KCNC4: variants seen among roughly 807,000 people sequenced by gnomAD.
The protein encoded by KCNC4 is voltage-gated potassium channel KCNC4.
In KCNC4, 23 loss-of-function variants were observed where a neutral mutation model predicts 42.8. That is an observed-to-expected ratio of 0.54 (90% CI 0.39 to 0.76). KCNC4 has a LOEUF of 0.76. Among genes scored for constraint, KCNC4 ranks in the 30% least tolerant of loss-of-function variants. The pLI is 0.00. For missense variants in KCNC4, 751 were observed against 898.2 expected, an observed-to-expected ratio of 0.84 and a Z score of 2.10; for synonymous variants, 422 against 393.5, an observed-to-expected ratio of 1.07 and a Z score of -0.86.
exon 4 of KCNC4, chr1:110,247,947 G>A (rs189541142): frequency 6.6e-6 from 1 of 152,200 alleles, no homozygotes; most frequent in Admixed American, 6.5e-5. Flanking sequence ...TGCACTAGAT[G>A]TTTACTCGGC....
chr1:110,234,370 A>C (rs866740251), downstream of KCNC4: 3 of 152,212 alleles, frequency 2.0e-5, no homozygotes, highest in African/African-American at 7.2e-5. Flanking sequence ...CCGTTTGTGC[A>C]GGGGGCCTCC....
chr1:110,259,911 G>A (rs1259416455), intron 1 of KCNC4, among the ~76,000 whole-genome samples: 3 of 152,086 alleles, frequency 2.0e-5, no homozygotes, highest in Non-Finnish European at 4.4e-5. Context: ...TTGCAGACTC[G>A]CCAACCAATG....
intron 3 of KCNC4, among the ~76,000 whole-genome samples, chr1:110,230,663 A>G (rs781464998): frequency 4.6e-5 from 7 of 152,218 alleles, no homozygotes; most frequent in Non-Finnish European, 7.3e-5. Context: ...CAGCATTGCC[A>G]GGCTGGAGCC....
At chr1:110,256,259 A>G (rs1659328411) in intron 1 of KCNC4, among the ~76,000 whole-genome samples, 1 of 152,224 alleles carries the variant, frequency 6.6e-6, no homozygotes, top group African/African-American at 2.4e-5. Context: ...CCAAGAGGCT[A>G]TGAAACCCAC....
At chr1:110,227,703 C>T (rs945292736) in intron 3 of KCNC4, among the ~76,000 whole-genome samples, 3 of 152,198 alleles carry the variant, frequency 2.0e-5, no homozygotes, top group African/African-American at 7.2e-5. Flanking sequence ...CGAGTGGTCC[C>T]TGTGTAGGAC....
rs537349412 is a variant in KCNC4, at chr1:110,272,841, A to G, written n.31-9693A>G. Among the ~76,000 whole-genome samples, 4 of 152,336 alleles carry G rather than the reference A, an allele frequency of 2.6e-5. No homozygotes were observed. In the South Asian group the frequency reaches 6.2e-4, roughly 24 times the overall value. On this transcript the variant is annotated intron_variant and non_coding_transcript_variant, in intron 1 of 2. Coordinates refer to the KCNC4 transcript ENST00000412512. The stretch of plus-strand genomic sequence containing the variant: ...CCATGAGCTGTCTTAGAACCTTACA[A>G]TGACTACCTTGTTCATTTTGGTTTG...
At chr1:110,230,467 T>A (rs955345607) in intron 3 of KCNC4, among the ~76,000 whole-genome samples, 1 of 152,144 alleles carries the variant, frequency 6.6e-6, no homozygotes, top group Non-Finnish European at 1.5e-5. Flanking sequence ...CACCACTGTT[T>A]TCTCCTCTGA....
At chr1:110,246,671 G>C (rs1659153123) in exon 4 of KCNC4, 1 of 152,044 alleles carries the variant, frequency 6.6e-6, no homozygotes, top group South Asian at 2.1e-4. Context: ...TCCTGCTTTG[G>C]GTTACACGCT....
At position 110,233,857 on chromosome 1, in the gene KCNC4, C is replaced by A; in HGVS notation, c.*885C>A. On this transcript the variant is annotated 3_prime_UTR_variant, in exon 4 of 4. Transcript: ENST00000438661. ...TGACCCCTTCAGCCTTGGCCTCTGC[C>A]CCTCCCTTGGCCCTCCCTCCCTGCT... is the stretch of plus-strand genomic sequence containing the variant. The A allele has an allele frequency of 6.5e-6, 1 of 152,752 alleles. No individual in the cohort carries two copies. 9.5% of individuals were successfully genotyped at this position (152,752 alleles called of 1,614,324 possible). A position where few individuals can be genotyped will look rare whatever the true frequency, so the allele number is the denominator to read the frequency against.
intron 1 of KCNC4, among the ~76,000 whole-genome samples, chr1:110,277,215 G>T (rs1482256840): frequency 1.3e-5 from 2 of 152,212 alleles, no homozygotes; most frequent in Non-Finnish European, 2.9e-5. Flanking sequence ...AAATGCCTTT[G>T]AAATCACTTG....
At chr1:110,232,268 G>A in intron 3 of KCNC4, 1 of 1,613,898 alleles carries the variant, frequency 6.2e-7, no homozygotes, top group Non-Finnish European at 8.5e-7. Context: ...ACCTGAGGCT[G>A]CATGCCCTCC....
At chr1:110,262,843 A>G (rs1405983798) in intron 1 of KCNC4, among the ~76,000 whole-genome samples, 1 of 152,064 alleles carries the variant, frequency 6.6e-6, no homozygotes, top group African/African-American at 2.4e-5. Context: ...GCTTACCTGC[A>G]CAGTCAGGAC....
intron 1 of KCNC4, among the ~76,000 whole-genome samples, chr1:110,281,649 A>G (rs1659828298): frequency 6.6e-6 from 1 of 151,714 alleles, no homozygotes; most frequent in Non-Finnish European, 1.5e-5. Flanking sequence ...TCTGTGGCTC[A>G]TGGTGAGCCA....
At chr1:110,257,209 G>T (rs1330550806) in intron 1 of KCNC4, among the ~76,000 whole-genome samples, 2 of 152,194 alleles carry the variant, frequency 1.3e-5, no homozygotes, top group African/African-American at 4.8e-5. Flanking sequence ...AAAGCACAGA[G>T]AATGGAAAGA....
intron 3 of KCNC4, among the ~76,000 whole-genome samples, chr1:110,231,378 C>T (rs1658682240): frequency 6.6e-6 from 1 of 152,144 alleles, no homozygotes; most frequent in African/African-American, 2.4e-5. Context: ...CCTAGGAAGA[C>T]CCCTCCCCAA....
chr1:110,224,771 G>T (rs1370543019), intron 2 of KCNC4: 1 of 152,388 alleles, frequency 6.6e-6, no homozygotes, highest in South Asian at 2.1e-4. Flanking sequence ...AGAGGGAAAG[G>T]CATCCTGACT....
At chr1:110,229,551 C>T (rs1226241365) in intron 3 of KCNC4, among the ~76,000 whole-genome samples, 2 of 152,214 alleles carry the variant, frequency 1.3e-5, no homozygotes, top group Non-Finnish European at 2.9e-5. Context: ...AAACTCCCAG[C>T]CCTGCCTCTG....
intron 1 of KCNC4, among the ~76,000 whole-genome samples, chr1:110,214,229 T>G (rs1043314058): frequency 4.6e-5 from 7 of 152,218 alleles, no homozygotes; most frequent in Non-Finnish European, 1.0e-4. Context: ...TTCTTCCATT[T>G]AAACATTGAG....
chr1:110,240,746 C>G (rs923073537), exon 4 of KCNC4: 2 of 152,448 alleles, frequency 1.3e-5, no homozygotes, highest in African/African-American at 4.8e-5. Context: ...GTGCCACTAC[C>G]ACGACGACCA....
Sources: allele counts gnomAD v4.1 joint callset (sites outside exome capture counted in the v4.1 genomes callset), GRCh38; gene constraint gnomAD v4.1.1; transcripts MANE v1.5; gene names NCBI Gene and HGNC (gene_info 2026-07-23, HGNC 2026-07-21).